The following AMPD3 variants were observed in gnomAD, a reference collection of about 807,000 sequenced individuals.
The protein encoded by AMPD3 is adenosine monophosphate deaminase 3.
AMPD3 carries 57 observed loss-of-function variants against 82.3 expected under a neutral mutation model. The observed-to-expected ratio is 0.69, with a 90% confidence interval of 0.56 to 0.86. The LOEUF (loss-of-function observed/expected upper bound fraction) is 0.86. Among genes scored for constraint, AMPD3 ranks in the 40% least tolerant of loss-of-function variants. The pLI, the probability that AMPD3 is intolerant of heterozygous loss-of-function variation, is 0.00. For synonymous variants in AMPD3, 381 were observed against 394.7 expected, an observed-to-expected ratio of 0.97 and a Z score of 0.41; for missense variants, 870 against 1,003.8, an observed-to-expected ratio of 0.87 and a Z score of 1.80.
At chr11:10,464,903 G>A (rs1564840159) in intron 2 of AMPD3, among the ~76,000 whole-genome samples, 1 of 152,222 alleles carries the variant, frequency 6.6e-6, no homozygotes, top group Non-Finnish European at 1.5e-5. Context: ...GAAGCAGGGA[G>A]AGAGACTTCT....
chr11:10,493,601 G>T, intron 7 of AMPD3, 58 bp downstream of exon 7: 2 of 1,584,830 alleles, frequency 1.3e-6, no homozygotes, highest in Non-Finnish European at 1.7e-6. Flanking sequence ...TGGGGACTCA[G>T]CCCCCTGGAA....
chr11:10,503,479 C>T (rs1186418573), intron 13 of AMPD3, among the ~76,000 whole-genome samples: 3 of 152,138 alleles, frequency 2.0e-5, no homozygotes, highest in East Asian at 3.9e-4. Flanking sequence ...GCACCAGAGT[C>T]TTTTAGGACA....
In AMPD3 at chr11:10,482,282, A is replaced by G. The variant is rs1848933577; in HGVS notation, c.589+57A>G. Reference sequence around the variant, plus strand: ...AGTGTGGGCAGACCGAGAGCTAGTCAGGGCTTTTTTCTGGCTCGGTCTATT... The same window carrying G: ...AGTGTGGGCAGACCGAGAGCTAGTCGGGGCTTTTTTCTGGCTCGGTCTATT... On this transcript the variant is annotated intron_variant, in intron 4 of 14. Coordinates refer to ENST00000396553, the MANE Select transcript of AMPD3 (RefSeq NM_001025389.2). 1.9e-6 allele frequency: 3 copies of G among 1,587,354 alleles called. No homozygotes were observed. The South Asian group carries it at 3.4e-5, about 18-fold the overall frequency.
At chr11:10,481,944 C>A (rs1261656058) in intron 3 of AMPD3, 119 bp from the exon 4 acceptor site, 2 of 1,239,242 alleles carry the variant, frequency 1.6e-6, no homozygotes, top group African/African-American at 1.5e-5. Context: ...GGTGAGAACC[C>A]TCCTGAAATC....
At chr11:10,466,889 C>T (rs1848437563) in intron 2 of AMPD3, among the ~76,000 whole-genome samples, 1 of 152,222 alleles carries the variant, frequency 6.6e-6, no homozygotes, top group Non-Finnish European at 1.5e-5. Flanking sequence ...ACTAGTGACA[C>T]CCAGCCAAAC....
intron 8 of AMPD3, 69 bp from the exon 9 acceptor site, chr11:10,495,501 T>A: frequency 1.9e-6 from 3 of 1,610,474 alleles, no homozygotes; most frequent in Non-Finnish European, 2.5e-6. Flanking sequence ...ACCCTGCTGG[T>A]GACGGAGAGT....
Position 10,502,494 on chromosome 11 carries a change from G to A in AMPD3, c.1843-227G>A, listed in dbSNP as rs532384850. 4.5e-5 allele frequency: 44 copies of A among 985,480 alleles called. No individual in the cohort carries two copies. The African/African-American group carries it at 6.8e-4, about 15-fold the overall frequency. 61.0% of individuals were successfully genotyped at this position (985,480 alleles called of 1,614,324 possible). ...ATGAGCACTTCCAACAGTGGGTAGAGGCACCAGGGAGGGCTGGCATGCAAT... is the reference window on the plus strand; with the variant it reads ...ATGAGCACTTCCAACAGTGGGTAGAAGCACCAGGGAGGGCTGGCATGCAAT... On this transcript the variant is annotated intron_variant, in intron 12 of 14. Transcript: ENST00000396553.
intron 1 of AMPD3, chr11:10,461,260 C>T: frequency 4.3e-6 from 6 of 1,393,066 alleles, no homozygotes; most frequent in Non-Finnish European, 5.7e-6. Flanking sequence ...TGGAAGCCCA[C>T]CTAGTTGAAC....
chr11:10,460,701 G>A (rs575348533), intron 1 of AMPD3, among the ~76,000 whole-genome samples: 5 of 152,310 alleles, frequency 3.3e-5, no homozygotes, highest in East Asian at 3.9e-4. Flanking sequence ...GAGCCAATGC[G>A]CCTGGCCAGA....
chr11:10,481,944 C>CTCCTGAAATCTAGGTTCCAGA, intron 3 of AMPD3, 119 bp from the exon 4 acceptor site: 1 of 1,239,360 alleles, frequency 8.1e-7, no homozygotes, highest in Non-Finnish European at 1.2e-6. Flanking sequence ...GGTGAGAACC[C>CTCCTGAAATCTAGGTTCCAGA]TCCTGAAATC....
chr11:10,498,461 G>C (rs983413681), intron 10 of AMPD3: 4 of 152,544 alleles, frequency 2.6e-5, no homozygotes, highest in African/African-American at 9.6e-5. Flanking sequence ...CAGCTGGATA[G>C]AGCTCTGAAG....
chr11:10,467,106 T>C (rs959554169), intron 2 of AMPD3, among the ~76,000 whole-genome samples: 6 of 152,080 alleles, frequency 3.9e-5, no homozygotes, highest in African/African-American at 1.4e-4. Flanking sequence ...GAATGCCTCT[T>C]CTCCTCCAAA....
intron 2 of AMPD3, chr11:10,478,037 G>A: frequency 1.0e-6 from 1 of 985,438 alleles, no homozygotes; most frequent in Non-Finnish European, 1.2e-6. Flanking sequence ...ATGTCTAACT[G>A]TGTGAAATGC....
chr11:10,503,078 G>T (rs1339525744), intron 13 of AMPD3, among the ~76,000 whole-genome samples, 184 bp downstream of exon 13: 1 of 152,062 alleles, frequency 6.6e-6, no homozygotes, highest in Non-Finnish European at 1.5e-5. Context: ...CTTTCTTTGG[G>T]GTTCTTGAAC....
chr11:10,451,127 G>C (rs955047794), upstream of AMPD3: 13 of 1,522,896 alleles, frequency 8.5e-6, no homozygotes, highest in African/African-American at 1.3e-4. Flanking sequence ...AGCGCCCTGG[G>C]GTCTGAACCG....
intron 1 of AMPD3, among the ~76,000 whole-genome samples, chr11:10,459,684 C>T (rs886944742): frequency 6.6e-6 from 1 of 152,084 alleles, no homozygotes; most frequent in African/African-American, 2.4e-5. Flanking sequence ...GGTGGCTTGT[C>T]GAAAAGGGTG....
At chr11:10,464,504 T>C (rs973671320) in intron 2 of AMPD3, among the ~76,000 whole-genome samples, 2 of 152,200 alleles carry the variant, frequency 1.3e-5, no homozygotes, top group South Asian at 2.1e-4. Flanking sequence ...TTCCCTGGTC[T>C]GTAGACCCTG....
intron 3 of AMPD3, chr11:10,481,793 G>A: frequency 2.0e-6 from 1 of 492,854 alleles, no homozygotes. Context: ...CGGTGCCCAG[G>A]GTTTTCACTG....
At chr11:10,500,790 C>T in intron 11 of AMPD3, 1 of 985,440 alleles carries the variant, frequency 1.0e-6, no homozygotes, top group South Asian at 4.7e-5. Context: ...AGGCTCCTAC[C>T]AATACGCACA....
Sources: allele counts gnomAD v4.1 joint callset (sites outside exome capture counted in the v4.1 genomes callset), GRCh38; gene constraint gnomAD v4.1.1; transcripts MANE v1.5; gene names NCBI Gene and HGNC (gene_info 2026-07-23, HGNC 2026-07-21).